Variants in ROCK2 observed in about 807,000 individuals in gnomAD.
The protein encoded by ROCK2 is Rho associated coiled-coil containing protein kinase 2, also known as rho-associated protein kinase 2.
ROCK2 carries 61 observed loss-of-function variants against 195.1 expected under a neutral mutation model. That is an observed-to-expected ratio of 0.31 (90% CI 0.25 to 0.39). The LOEUF is 0.39. Ranked by LOEUF, ROCK2 falls within the 10% of genes least tolerant of loss-of-function variation. ROCK2 has a pLI of 1.00. For missense variants in ROCK2, 1,109 were observed against 1,637.4 expected, an observed-to-expected ratio of 0.68 and a Z score of 5.57; for synonymous variants, 504 against 545.5, an observed-to-expected ratio of 0.92 and a Z score of 1.06.
chr2:11,330,235 GA>G (rs1668675524), intron 1 of ROCK2, among the ~76,000 whole-genome samples: 1 of 152,122 alleles, frequency 6.6e-6, no homozygotes, highest in African/African-American at 2.4e-5. Context: ...GCAATTATTT[GA>G]AAACAATATT....
intron 1 of ROCK2, among the ~76,000 whole-genome samples, chr2:11,310,598 C>T (rs1287890667): frequency 6.6e-6 from 1 of 152,066 alleles, no homozygotes; most frequent in Non-Finnish European, 1.5e-5. Flanking sequence ...TTTGATAATT[C>T]CTGAGAATGC....
Position 11,204,682 on chromosome 2 carries a change from T to C in ROCK2, c.2550-2561A>G, listed in dbSNP as rs139037631. Among the ~76,000 whole-genome samples the C allele has an allele frequency of 1.8e-3, 267 of 152,310 alleles. 1 individual carries two copies. Among genetic ancestry groups the C allele is most frequent in the African/African-American group, 6.3e-3 (260 of 41,566 alleles). On this transcript the variant is annotated intron_variant, in intron 20 of 32. Transcript: ENST00000315872. ...TTGACTTTGAACCCTTCCAACAAAT[T>C]TATATTGGCAGTAATTATTCATCTT...
At chr2:11,210,324 C>CT (rs755433244) in intron 18 of ROCK2, among the ~76,000 whole-genome samples, 1,996 of 143,660 alleles carry the variant, frequency 0.014, 20 homozygotes, top group Non-Finnish European at 0.02. Flanking sequence ...GAAAATAGTC[C>CT]TTTTTTTTTT....
At chr2:11,341,578 C>T (rs560489751) in intron 1 of ROCK2, among the ~76,000 whole-genome samples, 1 of 152,294 alleles carries the variant, frequency 6.6e-6, no homozygotes, top group African/African-American at 2.4e-5. Flanking sequence ...ACTTCATCTT[C>T]TTTTGTCATC....
intron 1 of ROCK2, among the ~76,000 whole-genome samples, chr2:11,343,412 C>T (rs568268883): frequency 2.0e-5 from 3 of 152,208 alleles, no homozygotes; most frequent in East Asian, 3.9e-4. Context: ...TTGGCTCTGG[C>T]GCAATAATCT....
chr2:11,241,570 A>G (rs1665430656), intron 4 of ROCK2, among the ~76,000 whole-genome samples: 1 of 152,252 alleles, frequency 6.6e-6, no homozygotes, highest in Admixed American at 6.5e-5. Context: ...AAGAACAGAT[A>G]AATGATGCAG....
In ROCK2 at chr2:11,325,951, T is replaced by C. The variant is rs188879059; in HGVS notation, c.141+18045A>G. ...GGTCAAAGATAACAGACACTAGATT[T>C]TTGGCCTGATCGAAGCTAAATGGAT... On this transcript the variant is annotated intron_variant, in intron 1 of 32. Coordinates refer to ENST00000315872, the MANE Select transcript of ROCK2 (RefSeq NM_004850.5). 1.2e-3 allele frequency among the ~76,000 whole-genome samples: 182 copies of C among 152,312 alleles called. 1 individual carries two copies. Among genetic ancestry groups the C allele is most frequent in the Non-Finnish European group, 2.0e-3 (133 of 68,030 alleles).
chr2:11,234,509 T>C (rs1315353482), intron 5 of ROCK2: 1 of 152,164 alleles, frequency 6.6e-6, no homozygotes, highest in Non-Finnish European at 1.5e-5. Flanking sequence ...CACTATATTA[T>C]ACCAAATACC....
chr2:11,239,161 G>A (rs1026501145), intron 4 of ROCK2, among the ~76,000 whole-genome samples: 1 of 151,762 alleles, frequency 6.6e-6, no homozygotes, highest in African/African-American at 2.4e-5. Flanking sequence ...TTAGACAAAG[G>A]TTTCTTAGAT....
chr2:11,230,641 A>T lies in ROCK2; in HGVS notation c.724-3243T>A, dbSNP rs540865222. ...AATCTACTGAAGGGTATTAAGCTGG[A>T]AAGCCAGATAATCAAGTATGCATTT... On this transcript the variant is annotated intron_variant, in intron 5 of 32. Coordinates refer to ENST00000315872, the MANE Select transcript of ROCK2 (RefSeq NM_004850.5). Among the ~76,000 whole-genome samples, 5 of 152,338 alleles carry T rather than the reference A, an allele frequency of 3.3e-5. No homozygotes were observed. In the East Asian group the frequency reaches 9.6e-4, roughly 29 times the overall value.
intron 32 of ROCK2, among the ~76,000 whole-genome samples, chr2:11,189,492 C>T (rs755998663): frequency 3.3e-5 from 5 of 152,170 alleles, no homozygotes; most frequent in Non-Finnish European, 5.9e-5. Context: ...TCTAATACAT[C>T]TTCCAAGGAA....
intron 4 of ROCK2, among the ~76,000 whole-genome samples, chr2:11,242,985 T>C (rs1324901334): frequency 6.6e-6 from 1 of 152,166 alleles, no homozygotes; most frequent in African/African-American, 2.4e-5. Flanking sequence ...TCTGGGACAC[T>C]TTCTTGCCTC....
At chr2:11,252,143 G>A (rs538884392) in intron 3 of ROCK2, among the ~76,000 whole-genome samples, 19 of 152,172 alleles carry the variant, frequency 1.2e-4, no homozygotes, top group Non-Finnish European at 2.5e-4. Context: ...AGGCATGGTG[G>A]CTCACGCCTG....
chr2:11,308,477 C>T, intron 1 of ROCK2: 2 of 1,604,488 alleles, frequency 1.2e-6, no homozygotes. Flanking sequence ...TGCTAGAGTT[C>T]CCGGTACTTT....
chr2:11,224,288 G>T (rs780025131), intron 7 of ROCK2, 34 bp downstream of exon 7: 1 of 1,557,394 alleles, frequency 6.4e-7, no homozygotes, highest in South Asian at 1.2e-5. Flanking sequence ...TTAACATAAA[G>T]GGCTTCTCTA....
chr2:11,321,877 G>A (rs1055367605), intron 1 of ROCK2, among the ~76,000 whole-genome samples: 2 of 152,078 alleles, frequency 1.3e-5, no homozygotes, highest in Non-Finnish European at 2.9e-5. Context: ...CAAAATTCAC[G>A]AGTTGAAGTC....
intron 3 of ROCK2, among the ~76,000 whole-genome samples, chr2:11,273,518 T>A (rs1236612479): frequency 2.0e-5 from 3 of 152,058 alleles, no homozygotes; most frequent in Non-Finnish European, 4.4e-5. Flanking sequence ...AAAACAGAAC[T>A]GAGGGAGAAA....
At chr2:11,184,929 A>C (rs1004888186) in intron 32 of ROCK2, among the ~76,000 whole-genome samples, 1 of 152,236 alleles carries the variant, frequency 6.6e-6, no homozygotes, top group African/African-American at 2.4e-5. Flanking sequence ...CACATAGGGA[A>C]GCCTTGCCCT....
intron 3 of ROCK2, among the ~76,000 whole-genome samples, chr2:11,280,686 G>A (rs184704835): frequency 1.3e-5 from 2 of 152,162 alleles, no homozygotes; most frequent in Non-Finnish European, 2.9e-5. Flanking sequence ...AGATGAAATG[G>A]ACCAATTCCT....
Sources: gnomAD v4.1 joint callset for allele counts (sites outside exome capture counted in the v4.1 genomes callset) on GRCh38, gnomAD v4.1.1 for gene constraint, MANE v1.5 for transcripts, NCBI Gene and HGNC (gene_info 2026-07-23, HGNC 2026-07-21) for gene names.